The following ETV6 variants were observed in gnomAD, a reference collection of about 807,000 sequenced individuals.
The protein encoded by ETV6 is transcription factor ETV6.
In ETV6, 16 loss-of-function variants were observed where a neutral mutation model predicts 51.1. The ratio of observed to expected loss-of-function variants is 0.31; its 90% CI spans 0.21 to 0.48. The LOEUF is 0.48. ETV6 is among the 20% of genes least tolerant of loss of function. The pLI is 0.99. For missense variants in ETV6, 458 were observed against 594.8 expected, an observed-to-expected ratio of 0.77 and a Z score of 2.39; for synonymous variants, 240 against 224.1, an observed-to-expected ratio of 1.07 and a Z score of -0.64.
chr12:11,735,691 C>T (rs1865691301), intron 1 of ETV6, among the ~76,000 whole-genome samples: 1 of 152,198 alleles, frequency 6.6e-6, no homozygotes, highest in Admixed American at 6.5e-5. Flanking sequence ...ACCTCCGCCT[C>T]CCGGGTTCAA....
At chr12:11,718,980 G>GCA (rs1450386197) in intron 1 of ETV6, among the ~76,000 whole-genome samples, 1 of 152,222 alleles carries the variant, frequency 6.6e-6, no homozygotes, top group Non-Finnish European at 1.5e-5. Context: ...TGAAGTTGTT[G>GCA]AGGCTGTGCA....
chr12:11,684,458 T>A (rs981698961), intron 1 of ETV6, among the ~76,000 whole-genome samples: 2 of 152,270 alleles, frequency 1.3e-5, no homozygotes, highest in Non-Finnish European at 2.9e-5. Flanking sequence ...GTTTCATTTT[T>A]ACATTCAGGC....
chr12:11,744,197 T>C (rs759979294), intron 1 of ETV6, among the ~76,000 whole-genome samples: 1 of 152,212 alleles, frequency 6.6e-6, no homozygotes, highest in Admixed American at 6.5e-5. Context: ...GTGCCCTTGA[T>C]ACAACTAAAT....
chr12:11,784,042 AC>A (rs1438624034), intron 2 of ETV6, among the ~76,000 whole-genome samples: 2 of 152,080 alleles, frequency 1.3e-5, no homozygotes, highest in African/African-American at 4.8e-5. Flanking sequence ...GCTGCTCAAC[AC>A]CGTAGTGTAG....
intron 1 of ETV6, among the ~76,000 whole-genome samples, chr12:11,712,198 A>G (rs986884371): frequency 6.6e-6 from 1 of 152,220 alleles, no homozygotes; most frequent in Non-Finnish European, 1.5e-5. Context: ...CAGTGTAGAC[A>G]AAGTGAAGTA....
At chr12:11,685,111 C>G (rs535732748) in intron 1 of ETV6, among the ~76,000 whole-genome samples, 1 of 152,242 alleles carries the variant, frequency 6.6e-6, no homozygotes, top group South Asian at 2.1e-4. Flanking sequence ...GCGTGAAGAG[C>G]TTGATGGGCC....
At chr12:11,776,649 A>G (rs1273567480) in intron 2 of ETV6, among the ~76,000 whole-genome samples, 1 of 152,228 alleles carries the variant, frequency 6.6e-6, no homozygotes, top group Non-Finnish European at 1.5e-5. Context: ...AGCACTTCAC[A>G]TGGGAGGCTA....
intron 1 of ETV6, among the ~76,000 whole-genome samples, chr12:11,666,458 A>G (rs1462663801): frequency 6.6e-6 from 1 of 152,326 alleles, no homozygotes; most frequent in African/African-American, 2.4e-5. Flanking sequence ...GACAGCCTCA[A>G]TATTGCTGTT....
chr12:11,893,761 T>G lies in ETV6; in HGVS notation c.*2715T>G. On this transcript the variant is annotated 3_prime_UTR_variant, in exon 8 of 8. Coordinates refer to ENST00000396373, the MANE Select transcript of ETV6 (RefSeq NM_001987.5). ...ATGAGCCATAAATGAATTTTGTGTT[T>G]AGACTTTGTGTCCATCCCCAAGATC... 5.4e-6 allele frequency: 1 copy of G among 184,106 alleles called. No homozygotes were observed. The highest frequency in any genetic ancestry group is 8.5e-5 in the East Asian group (1 of 11,784). 11.4% of individuals were successfully genotyped at this position (184,106 alleles called of 1,614,324 possible).
At chr12:11,657,770 A>G (rs1041242666) in intron 1 of ETV6, among the ~76,000 whole-genome samples, 1 of 152,232 alleles carries the variant, frequency 6.6e-6, no homozygotes, top group Non-Finnish European at 1.5e-5. Context: ...CAATGGTGTT[A>G]GTGTTGCCAC....
chr12:11,869,458 G>A lies in ETV6; in HGVS notation c.498G>A (p.Val166=), dbSNP rs1946843361. Residue 166 remains valine, a synonymous_variant, in exon 5 of 8, where the codon GTG becomes GTA. Transcript: ENST00000396373. The surrounding 1 kb of genome is among the most constrained non-coding windows in gnomAD (Gnocchi z 5.0). ...TCCAGAGGACCCCCAGGCCATCCGT[G>A]GATAATGTGCACCATAACCCTCCCA... ...NCVQRTPRPS[V]DNVHHNPPTI... is the part of the protein sequence containing the mutation. 3.1e-6 allele frequency: 5 copies of A among 1,613,564 alleles called. No individual in the cohort carries two copies. The African/African-American group carries it at 4.0e-5, about 13-fold the overall frequency.
At chr12:11,843,685 TAA>T (rs1946421369) in intron 3 of ETV6, among the ~76,000 whole-genome samples, 2 of 152,172 alleles carry the variant, frequency 1.3e-5, no homozygotes, top group African/African-American at 4.8e-5. Context: ...GATTATACCT[TAA>T]GTCAAATACA....
intron 2 of ETV6, among the ~76,000 whole-genome samples, chr12:11,822,022 G>A (rs1213009264): frequency 1.3e-5 from 2 of 152,234 alleles, no homozygotes; most frequent in Admixed American, 1.3e-4. Flanking sequence ...CTGGAAAGCT[G>A]TTGGCCCATC....
chr12:11,870,382 C>T (rs906357674), intron 5 of ETV6, among the ~76,000 whole-genome samples: 1 of 152,046 alleles, frequency 6.6e-6, no homozygotes, highest in Non-Finnish European at 1.5e-5. Flanking sequence ...ATCCTGTGAG[C>T]GGTAACGCCA....
chr12:11,650,223 C>T (rs946174596), intron 1 of ETV6, 63 bp downstream of exon 1: 7 of 1,406,170 alleles, frequency 5.0e-6, no homozygotes, highest in Non-Finnish European at 7.1e-6. Flanking sequence ...CCAGGGCAGT[C>T]GTGCTGGGCT....
chr12:11,652,703 G>A (rs1055822756), intron 1 of ETV6, among the ~76,000 whole-genome samples: 1 of 152,188 alleles, frequency 6.6e-6, no homozygotes, highest in Non-Finnish European at 1.5e-5. Context: ...CAGCCACAGA[G>A]GGAAGTACTT....
intron 4 of ETV6, among the ~76,000 whole-genome samples, chr12:11,856,220 A>G (rs118070948): frequency 1.2e-3 from 182 of 152,284 alleles, no homozygotes; most frequent in Non-Finnish European, 2.3e-3. Flanking sequence ...CCAAGTAAAT[A>G]CAGATGTGCC....
chr12:11,654,476 A>T (rs1863962150), intron 1 of ETV6, among the ~76,000 whole-genome samples: 1 of 152,152 alleles, frequency 6.6e-6, no homozygotes, highest in South Asian at 2.1e-4. Context: ...TCCCTATAAA[A>T]GGCCAAGGAA....
At chr12:11,683,538 A>G (rs1004176641) in intron 1 of ETV6, among the ~76,000 whole-genome samples, 12 of 152,194 alleles carry the variant, frequency 7.9e-5, no homozygotes, top group Non-Finnish European at 1.5e-4. Flanking sequence ...GACCCTAACA[A>G]TGATCAGTTT....
Sources: allele counts gnomAD v4.1 joint callset (sites outside exome capture counted in the v4.1 genomes callset), GRCh38; gene constraint gnomAD v4.1.1; non-coding constraint Gnocchi (gnomAD v3.1); transcripts MANE v1.5; gene names NCBI Gene and HGNC (gene_info 2026-07-23, HGNC 2026-07-21).